The following ZNF729 variants were observed in gnomAD, a reference collection of about 807,000 sequenced individuals.
ZNF729 encodes zinc finger protein 729.
ZNF729 carries 15 observed loss-of-function variants against 12.2 expected under a neutral mutation model. The observed-to-expected ratio is 1.23, with a 90% confidence interval of 0.82 to 1.89. The LOEUF (loss-of-function observed/expected upper bound fraction) is 1.89, where lower values mean the gene tolerates loss of function less well. Among genes scored for constraint, ZNF729 ranks in the 40% most tolerant of loss-of-function variants. The pLI is 0.00. For missense variants in ZNF729, 1,540 were observed against 1,456.7 expected, an observed-to-expected ratio of 1.06 and a Z score of -0.93; for synonymous variants, 492 against 476.3, an observed-to-expected ratio of 1.03 and a Z score of -0.43.
intron 1 of ZNF729, among the ~76,000 whole-genome samples, chr19:22,297,383 AG>A (rs1968242209): frequency 6.6e-6 from 1 of 151,928 alleles, no homozygotes; most frequent in African/African-American, 2.4e-5. Flanking sequence ...CAGATGTCCA[AG>A]AATTTAAGAA....
chr19:22,308,040 C>A (rs1361023263), intron 3 of ZNF729, among the ~76,000 whole-genome samples: 2 of 151,954 alleles, frequency 1.3e-5, no homozygotes, highest in Non-Finnish European at 2.9e-5. Flanking sequence ...CTCAAGTCCC[C>A]AAAGTCCACT....
Position 22,315,348 on chromosome 19 carries a change from C to G in ZNF729, c.1931C>G (p.Thr644Ser). 1 of 1,611,898 alleles carries G rather than the reference C, an allele frequency of 6.2e-7. No homozygotes were observed. Among genetic ancestry groups the G allele is most frequent in the South Asian group, 1.1e-5 (1 of 90,968 alleles). Reference sequence around the variant, plus strand: ...GCTTTTAGGCAATCCTCACACCTTACTAGACATAAAGCAATTCATACTGGA... The same window carrying G: ...GCTTTTAGGCAATCCTCACACCTTAGTAGACATAAAGCAATTCATACTGGA... ...GKAFRQSSHL[T>S]RHKAIHTGEK... The change falls in exon 4 of 4, where the codon ACT (threonine) becomes AGT (serine). Residue 644 changes from threonine (T) to serine (S), a missense_variant. Thr to Ser is a moderately conservative substitution (Grantham distance 58, BLOSUM62 1). Coordinates refer to ENST00000601693, the MANE Select transcript of ZNF729 (RefSeq NM_001242680.2).
intron 3 of ZNF729, among the ~76,000 whole-genome samples, chr19:22,306,392 C>G (rs556844606): frequency 6.5e-4 from 97 of 148,538 alleles, no homozygotes; most frequent in African/African-American, 2.1e-3. Context: ...GAGCTGAGAT[C>G]ATGCCACTGT....
Position 22,286,634 on chromosome 19 carries a change from C to G in ZNF729, c.30+79C>G, listed in dbSNP as rs372020507. On this transcript the variant is annotated intron_variant, in intron 1 of 3. Transcript: ENST00000601693. The stretch of plus-strand genomic sequence containing the variant: ...GTGGGAAGTGGCTGTGGCGGGACTC[C>G]GGCCTCCCCGCAGTCAGCTCCACAA... 8.9e-4 allele frequency: 1,399 copies of G among 1,564,394 alleles called. 12 individuals carry two copies. The South Asian group carries it at 0.013, about 14-fold the overall frequency.
Position 22,304,834 on chromosome 19 carries a change from A to C in ZNF729, c.253+51A>C, listed in dbSNP as rs559448269. 7.5e-5 allele frequency: 117 copies of C among 1,561,378 alleles called. 3 individuals are homozygous for C. The South Asian group carries it at 1.0e-3, about 14-fold the overall frequency. On this transcript the variant is annotated intron_variant, in intron 3 of 3. Coordinates refer to ENST00000601693, the MANE Select transcript of ZNF729 (RefSeq NM_001242680.2). ...AACACAGATAAGAGGTCCAGAGGTC[A>C]AGGAGAAAGCCAGTTCTCAAAATGT...
At chr19:22,303,701 A>G in intron 1 of ZNF729, 57 bp from the exon 2 acceptor site, 3 of 1,468,934 alleles carry the variant, frequency 2.0e-6, no homozygotes, top group Non-Finnish European at 2.7e-6. Flanking sequence ...TCAAATTAAA[A>G]ATTTCTGCCC....
In ZNF729 at chr19:22,286,482, T is replaced by A; in HGVS notation, c.-44T>A. ...CCTTCACTGCTGTGTGTCCTCAGCCTCTGTGGCCCTGTAACCTGCGGCATT... is the reference window on the plus strand; with the variant it reads ...CCTTCACTGCTGTGTGTCCTCAGCCACTGTGGCCCTGTAACCTGCGGCATT... On this transcript the variant is annotated 5_prime_UTR_variant, in exon 1 of 4. Coordinates refer to ENST00000601693, the MANE Select transcript of ZNF729 (RefSeq NM_001242680.2). 1 of 1,611,802 alleles carries A rather than the reference T, an allele frequency of 6.2e-7. No individual in the cohort carries two copies. Among genetic ancestry groups the A allele is most frequent in the Non-Finnish European group, 8.5e-7 (1 of 1,179,674 alleles).
intron 1 of ZNF729, among the ~76,000 whole-genome samples, chr19:22,298,014 A>AC (rs1568572542): frequency 1.3e-5 from 2 of 150,326 alleles, no homozygotes; most frequent in African/African-American, 4.9e-5. Flanking sequence ...TCAAAAAAAA[A>AC]AAAAAAAAAA....
At chr19:22,305,605 C>T (rs575832547) in intron 3 of ZNF729, among the ~76,000 whole-genome samples, 1 of 152,032 alleles carries the variant, frequency 6.6e-6, no homozygotes, top group East Asian at 1.9e-4. Context: ...CATACTAGTA[C>T]TTGACTTAAA....
intron 3 of ZNF729, among the ~76,000 whole-genome samples, chr19:22,308,044 G>A (rs1396092749): frequency 2.0e-5 from 3 of 151,892 alleles, no homozygotes; most frequent in Non-Finnish European, 4.4e-5. Context: ...AGTCCCCAAA[G>A]TCCACTGTAT....
At chr19:22,290,890 T>C (rs1207081014) in intron 1 of ZNF729, among the ~76,000 whole-genome samples, 1 of 152,166 alleles carries the variant, frequency 6.6e-6, no homozygotes, top group East Asian at 1.9e-4. Context: ...TCTAATAAAC[T>C]GATAAATGTA....
Position 22,316,576 on chromosome 19 carries a change from T to G in ZNF729, c.3159T>G (p.Cys1053Trp). ...TGEKPYKCEECGKAFKWSSKL... is the reference protein window; with the variant it reads ...TGEKPYKCEEWGKAFKWSSKL... ...AGAAACCCTACAAATGTGAAGAATG[T>G]GGTAAAGCTTTTAAGTGGTCCTCAA... Residue 1053 changes from cysteine to tryptophan, a missense_variant, in exon 4 of 4, where the codon TGT becomes TGG. Coordinates refer to ENST00000601693, the MANE Select transcript of ZNF729 (RefSeq NM_001242680.2). The G allele has an allele frequency of 6.2e-7, 1 of 1,613,550 alleles. No individual in the cohort carries two copies. The highest frequency in any genetic ancestry group is 8.5e-7 in the Non-Finnish European group (1 of 1,179,776).
At chr19:22,307,415 A>G (rs1173295227) in intron 3 of ZNF729, among the ~76,000 whole-genome samples, 1 of 151,060 alleles carries the variant, frequency 6.6e-6, no homozygotes, top group Non-Finnish European at 1.5e-5. Context: ...TTTTTAAAGT[A>G]AAATAATTTC....
intron 3 of ZNF729, among the ~76,000 whole-genome samples, chr19:22,308,666 A>G (rs1413716207): frequency 6.6e-6 from 1 of 151,896 alleles, no homozygotes; most frequent in African/African-American, 2.4e-5. Context: ...CCATTTGTAT[A>G]TCTTCTGTTG....
intron 3 of ZNF729, among the ~76,000 whole-genome samples, chr19:22,307,852 A>G (rs1433323147): frequency 7.9e-5 from 1 of 12,584 alleles, no homozygotes; most frequent in South Asian, 2.3e-3. Flanking sequence ...ATACTACTTT[A>G]TTTTTATTTA....
Position 22,286,536 on chromosome 19 carries a change from C to A in ZNF729, c.11C>A (p.Ala4Asp). ...AGATCCACAGCTAACATGCCAGGTG[C>A]CCCTGGCAGCCTAGAAATGGTGAGA... MPG[A>D]PGSLEMGPLT... Residue 4 changes from alanine to aspartate, a missense_variant, in exon 1 of 4, where the codon GCC becomes GAC. Transcript: ENST00000601693. The A allele has an allele frequency of 6.2e-7, 1 of 1,613,802 alleles. No individual in the cohort carries two copies. The highest frequency in any genetic ancestry group is 8.5e-7 in the Non-Finnish European group (1 of 1,179,974).
rs757890328 is a variant in ZNF729 at position 22,314,975 on chromosome 19, G to T, written c.1558G>T (p.Glu520Ter). 4.3e-6 allele frequency: 7 copies of T among 1,611,960 alleles called. No individual in the cohort carries two copies. Among genetic ancestry groups the T allele is most frequent in the Non-Finnish European group, 5.9e-6 (7 of 1,179,712 alleles). ...HTGKKPYKCE[E>*]CGKAFSQSST... is the part of the protein sequence containing the mutation. Reference sequence around the variant, plus strand: ...TGGAAAGAAACCCTACAAATGTGAAGAATGTGGGAAAGCTTTTAGCCAGTC... The same window carrying T: ...TGGAAAGAAACCCTACAAATGTGAATAATGTGGGAAAGCTTTTAGCCAGTC... Residue 520 changes from glutamate (E) to a stop codon, truncating the protein, a stop_gained, in exon 4 of 4, where the codon GAA (glutamate) becomes TAA (stop). Coordinates refer to ENST00000601693, the MANE Select transcript of ZNF729 (RefSeq NM_001242680.2). LOFTEE classifies it low-confidence loss of function (END_TRUNC).
intron 1 of ZNF729, among the ~76,000 whole-genome samples, chr19:22,301,545 G>C (rs1968304881): frequency 6.6e-6 from 1 of 152,292 alleles, no homozygotes; most frequent in Admixed American, 6.5e-5. Flanking sequence ...ACAAGACAGG[G>C]CCAAACTTTG....
rs572428489 is a variant in ZNF729, at chr19:22,314,054, C to T, written c.637C>T (p.Arg213Cys). 25 of 1,542,050 alleles carry T rather than the reference C, an allele frequency of 1.6e-5. No homozygotes were observed. Among genetic ancestry groups the T allele is most frequent in the Middle Eastern group, 1.7e-4 (1 of 5,922 alleles). ...IRQNIYKCEE[R>C]GKAFKSFSTL... is the part of the protein sequence containing the mutation. ...ACAGAATATCTACAAATGTGAAGAA[C>T]GTGGCAAAGCCTTTAAATCGTTCTC... The change falls in exon 4 of 4, where the codon CGT becomes TGT. Residue 213 changes from arginine to cysteine, a missense_variant. Physicochemically the swap from Arg to Cys is radical, Grantham distance 180 (BLOSUM62 -3). Transcript: ENST00000601693.
Sources: gnomAD v4.1 joint callset for allele counts (sites outside exome capture counted in the v4.1 genomes callset) on GRCh38, gnomAD v4.1.1 for gene constraint, MANE v1.5 for transcripts, NCBI Gene and HGNC (gene_info 2026-07-23, HGNC 2026-07-21) for gene names.